Variants in COLEC12 observed in about 807,000 individuals in gnomAD.
COLEC12 encodes the protein collectin subfamily member 12, also known as collectin-12.
A neutral mutation model predicts 71.1 loss-of-function variants in COLEC12; 33 were observed. The observed-to-expected ratio is 0.46, with a 90% confidence interval of 0.35 to 0.62. COLEC12 has a LOEUF of 0.62. Among genes scored for constraint, COLEC12 ranks in the 20% least tolerant of loss-of-function variants. The pLI is 0.00. For synonymous variants in COLEC12, 350 were observed against 353.0 expected (o/e 0.99, Z 0.10); for missense variants, 765 against 916.1 (o/e 0.84, Z 2.13).
At chr18:412,002 A>G (rs752386601) in intron 2 of COLEC12, among the ~76,000 whole-genome samples, 6 of 152,224 alleles carry the variant, frequency 3.9e-5, no homozygotes, top group Non-Finnish European at 8.8e-5. Flanking sequence ...TTATGTCATA[A>G]GTGTCCTAGA....
At chr18:345,324 T>C (rs528102673) in intron 5 of COLEC12, among the ~76,000 whole-genome samples, 11 of 152,312 alleles carry the variant, frequency 7.2e-5, no homozygotes, top group Non-Finnish European at 1.3e-4. Flanking sequence ...GACTTTTAAT[T>C]TATATGGATG....
chr18:400,757 A>G (rs1053041853), intron 2 of COLEC12, among the ~76,000 whole-genome samples: 1 of 152,188 alleles, frequency 6.6e-6, no homozygotes, highest in African/African-American at 2.4e-5. Context: ...TCGGTTATGC[A>G]ATGGAAGGTG....
intron 2 of COLEC12, among the ~76,000 whole-genome samples, chr18:361,529 C>T (rs943205674): frequency 2.0e-5 from 3 of 152,140 alleles, no homozygotes; most frequent in African/African-American, 7.2e-5. Context: ...GCACTCTTAA[C>T]TAAAGGATGC....
At chr18:417,041 GACACAC>G (rs35399538) in intron 2 of COLEC12, among the ~76,000 whole-genome samples, 5 of 150,262 alleles carry the variant, frequency 3.3e-5, no homozygotes, top group Non-Finnish European at 5.9e-5. Flanking sequence ...CATGCACCCA[GACACAC>G]ACACACACAC....
intron 2 of COLEC12, among the ~76,000 whole-genome samples, chr18:401,519 T>A (rs1275403268): frequency 6.6e-6 from 1 of 152,190 alleles, no homozygotes; most frequent in African/African-American, 2.4e-5. Flanking sequence ...ATAATTATTA[T>A]CATCAGAAAA....
chr18:437,016 G>C (rs1489369735), intron 2 of COLEC12, among the ~76,000 whole-genome samples: 2 of 152,188 alleles, frequency 1.3e-5, no homozygotes, highest in African/African-American at 4.8e-5. Flanking sequence ...AGCTTCCAAG[G>C]TGAGAAGCAA....
chr18:400,282 G>T (rs981315070), intron 2 of COLEC12, among the ~76,000 whole-genome samples: 1 of 152,140 alleles, frequency 6.6e-6, no homozygotes, highest in African/African-American at 2.4e-5. Context: ...CAGTTTATAG[G>T]ATAAGTAGAT....
Position 362,823 on chromosome 18 carries a change from T to C in COLEC12, c.59-5301A>G, listed in dbSNP as rs1246158830. Among the ~76,000 whole-genome samples, 1 of 152,218 alleles carries C rather than the reference T, an allele frequency of 6.6e-6. No homozygotes were observed. Among genetic ancestry groups the C allele is most frequent in the East Asian group, 1.9e-4 (1 of 5,190 alleles). On this transcript the variant is annotated intron_variant, in intron 2 of 9. Coordinates refer to ENST00000400256, the MANE Select transcript of COLEC12 (RefSeq NM_130386.3). This position sits in a 1 kb window ranked among gnomAD's most constrained non-coding sequence, Gnocchi z 4.6. Reference sequence around the variant, plus strand: ...AACTATCTCCCGCTGAACTCCACTCTTGGCTCATGTTTTGAATGTATTTTC... The same window carrying C: ...AACTATCTCCCGCTGAACTCCACTCCTGGCTCATGTTTTGAATGTATTTTC...
rs1239384393 is a variant in COLEC12, at chr18:436,531, G to C, written c.58+44176C>G. ...ACTCCATCTCAAAAAAAAAAGGGGG[G>C]GGGGGGGGAAACAGGGGTGGCTTTC... is the stretch of plus-strand genomic sequence containing the variant. On this transcript the variant is annotated intron_variant, in intron 2 of 9. Transcript: ENST00000400256. 2.0e-4 allele frequency among the ~76,000 whole-genome samples: 29 copies of C among 142,104 alleles called. 3 individuals carry two copies. Among genetic ancestry groups the C allele is most frequent in the South Asian group, 1.7e-3 (7 of 4,126 alleles). 93.2% of individuals were successfully genotyped at this position (142,104 alleles called of 152,430 possible).
rs2621192 is a variant in COLEC12, at chr18:441,120, C to A, written c.58+39587G>T. Among the ~76,000 whole-genome samples the A allele has an allele frequency of 2.3e-4, 30 of 128,382 alleles. 2 individuals carry two copies. The highest frequency in any genetic ancestry group is 3.4e-4 in the Admixed American group (4 of 11,694). 84.2% of individuals were successfully genotyped at this position (128,382 alleles called of 152,430 possible). ...AAAATTGGCCAGGCGTGGTGGCGGG[C>A]GCCTGTAGTCCCAGCTGCTGGGGAG... On this transcript the variant is annotated intron_variant, in intron 2 of 9. Coordinates refer to ENST00000400256, the MANE Select transcript of COLEC12 (RefSeq NM_130386.3).
chr18:485,938 T>C (rs983175723), intron 1 of COLEC12, among the ~76,000 whole-genome samples: 1 of 152,326 alleles, frequency 6.6e-6, no homozygotes, highest in Non-Finnish European at 1.5e-5. Flanking sequence ...ACTCATCACA[T>C]TGTACCCTCA....
At chr18:347,540 C>T (rs1914413208) in intron 4 of COLEC12, among the ~76,000 whole-genome samples, 199 bp from the exon 5 acceptor site, 2 of 152,082 alleles carry the variant, frequency 1.3e-5, no homozygotes, top group South Asian at 2.1e-4. Context: ...AAGCTCAGAA[C>T]TAGGAATGAC....
At chr18:379,541 G>T (rs1915186497) in intron 2 of COLEC12, among the ~76,000 whole-genome samples, 1 of 152,158 alleles carries the variant, frequency 6.6e-6, no homozygotes, top group South Asian at 2.1e-4. Flanking sequence ...GAAAAAGGAA[G>T]AAGTAAAAGG....
chr18:363,036 G>T (rs13381966), intron 2 of COLEC12, among the ~76,000 whole-genome samples: 3 of 152,044 alleles, frequency 2.0e-5, no homozygotes, highest in East Asian at 1.9e-4. Context: ...AGCTGGCAGG[G>T]GGGGAATGGG....
chr18:350,135 C>G (rs1567880671), intron 3 of COLEC12, among the ~76,000 whole-genome samples: 1 of 152,204 alleles, frequency 6.6e-6, no homozygotes, highest in Non-Finnish European at 1.5e-5. Context: ...CAAATCTCAT[C>G]TTGAATTATA....
intron 2 of COLEC12, among the ~76,000 whole-genome samples, chr18:446,944 T>C (rs1387747465): frequency 6.6e-6 from 1 of 152,216 alleles, no homozygotes; most frequent in African/African-American, 2.4e-5. Flanking sequence ...CTTAACAGTT[T>C]ACCTAGAGTG....
At chr18:405,576 T>C (rs1330838786) in intron 2 of COLEC12, among the ~76,000 whole-genome samples, 1 of 152,170 alleles carries the variant, frequency 6.6e-6, no homozygotes, top group Non-Finnish European at 1.5e-5. Flanking sequence ...GTTGAAATAT[T>C]GGGGGCAGGT....
intron 5 of COLEC12, among the ~76,000 whole-genome samples, chr18:343,635 G>A (rs1037640784): frequency 1.1e-4 from 16 of 152,068 alleles, no homozygotes; most frequent in Non-Finnish European, 2.4e-4. Flanking sequence ...GGCTCTCTCT[G>A]GGGTGACCGG....
chr18:375,155 A>G (rs1915085445), intron 2 of COLEC12, among the ~76,000 whole-genome samples: 1 of 152,184 alleles, frequency 6.6e-6, no homozygotes, highest in Non-Finnish European at 1.5e-5. Flanking sequence ...CCTCTGCTCA[A>G]GCTCTTCTGG....
Sources: gnomAD v4.1 joint callset for allele counts (sites outside exome capture counted in the v4.1 genomes callset) on GRCh38, gnomAD v4.1.1 for gene constraint, Gnocchi (gnomAD v3.1) non-coding constraint, MANE v1.5 for transcripts, NCBI Gene and HGNC (gene_info 2026-07-23, HGNC 2026-07-21) for gene names.